Variants in OPCML observed in about 807,000 individuals in gnomAD.
OPCML encodes the protein opioid-binding protein/cell adhesion molecule.
A neutral mutation model predicts 37.8 loss-of-function variants in OPCML; 13 were observed. The ratio of observed to expected loss-of-function variants is 0.34; its 90% confidence interval spans 0.22 to 0.55. OPCML has a LOEUF of 0.55. Among genes scored for constraint, OPCML ranks in the 20% least tolerant of loss-of-function variants. OPCML has a pLI of 0.91. For missense variants in OPCML, 341 were observed against 435.6 expected (o/e 0.78, Z 1.93); for synonymous variants, 176 against 168.8 (o/e 1.04, Z -0.33).
At chr11:133,189,298 AC>A (rs989385759) in intron 1 of OPCML, among the ~76,000 whole-genome samples, 30 of 152,334 alleles carry the variant, frequency 2.0e-4, no homozygotes, top group African/African-American at 7.2e-4. Flanking sequence ...TGTGTAATTG[AC>A]CTTAAAGGCT....
intron 3 of OPCML, among the ~76,000 whole-genome samples, chr11:132,569,373 C>T (rs866889710): frequency 2.9e-4 from 44 of 152,322 alleles, no homozygotes; most frequent in African/African-American, 1.0e-3. Context: ...ACTTTCATCT[C>T]AGACTTGTAG....
intron 2 of OPCML, among the ~76,000 whole-genome samples, chr11:132,705,245 T>C (rs1943985379): frequency 6.6e-6 from 1 of 151,738 alleles, no homozygotes; most frequent in Admixed American, 6.6e-5. Context: ...CCCATCCCCT[T>C]GGTGCTGTTC....
At chr11:132,708,802 C>A (rs1452091654) in intron 2 of OPCML, among the ~76,000 whole-genome samples, 3 of 152,122 alleles carry the variant, frequency 2.0e-5, no homozygotes, top group Admixed American at 6.6e-5. Flanking sequence ...ACAATAAAAT[C>A]TTTTCTTTAC....
At chr11:133,482,565 G>A (rs1205092539) in intron 1 of OPCML, among the ~76,000 whole-genome samples, 2 of 152,092 alleles carry the variant, frequency 1.3e-5, no homozygotes, top group Admixed American at 1.3e-4. Flanking sequence ...GGAGGAGGCT[G>A]CTGAATGCTC....
chr11:133,399,747 A>G (rs985848660), intron 1 of OPCML, among the ~76,000 whole-genome samples: 2 of 152,082 alleles, frequency 1.3e-5, no homozygotes, highest in Non-Finnish European at 2.9e-5. Context: ...GCATTCCCAG[A>G]CACAGCCTCA....
In OPCML at chr11:133,511,047, G is replaced by T. The variant is rs74915554; in HGVS notation, c.61+21217C>A. Among the ~76,000 whole-genome samples, 683 of 152,256 alleles carry T rather than the reference G, an allele frequency of 4.5e-3. 4 individuals carry two copies. Among genetic ancestry groups the T allele is most frequent in the African/African-American group, 0.016 (652 of 41,554 alleles). On this transcript the variant is annotated intron_variant, in intron 1 of 7. Transcript: ENST00000524381. ...TGTTCCACCAATAGAACTCCATTGCGATTGGTGTCAACTTTATCCTTCCAA... is the reference window on the plus strand; with the variant it reads ...TGTTCCACCAATAGAACTCCATTGCTATTGGTGTCAACTTTATCCTTCCAA...
intron 1 of OPCML, among the ~76,000 whole-genome samples, chr11:132,999,016 G>A (rs944328565): frequency 1.3e-5 from 2 of 152,104 alleles, no homozygotes; most frequent in East Asian, 1.9e-4. Flanking sequence ...CCCTCTTTCC[G>A]CAGATGAGGA....
Position 132,956,967 on chromosome 11 carries a change from C to T in OPCML, c.62-13957G>A, listed in dbSNP as rs144772505. On this transcript the variant is annotated intron_variant, in intron 1 of 7. Transcript: ENST00000524381. ...GCAACATAGCAAGATCCTATCTCTA[C>T]GAAAATTTTAAAAAACAGGCAGATG... 4.3e-3 allele frequency among the ~76,000 whole-genome samples: 656 copies of T among 152,248 alleles called. 2 individuals are homozygous for T. Among genetic ancestry groups the T allele is most frequent in the Non-Finnish European group, 4.8e-3 (326 of 68,000 alleles).
chr11:132,807,635 T>G lies in OPCML; in HGVS notation c.146+135291A>C, dbSNP rs1939093362. 3.9e-5 allele frequency among the ~76,000 whole-genome samples: 6 copies of G among 152,176 alleles called. No homozygotes were observed. The South Asian group carries it at 1.2e-3, about 32-fold the overall frequency. On this transcript the variant is annotated intron_variant, in intron 2 of 7. Transcript: ENST00000524381. ...CCTCCATCTCTGAATAGCCTTCCAGTGACCATATCTTTGTGTAGCCAGCCA... is the reference window on the plus strand; with the variant it reads ...CCTCCATCTCTGAATAGCCTTCCAGGGACCATATCTTTGTGTAGCCAGCCA...
rs907753040 is a variant in OPCML at position 132,469,425 on chromosome 11, GTGTATGTGTGTGTGAA to G, written c.506-32082_506-32067del. Among the ~76,000 whole-genome samples, 72 of 151,176 alleles carry G rather than the reference GTGTATGTGTGTGTGAA, an allele frequency of 4.8e-4. No homozygotes were observed. The East Asian group carries it at 0.012, about 26-fold the overall frequency. On this transcript the variant is annotated intron_variant, in intron 4 of 7. Transcript: ENST00000524381. ...TGTGTGTGGGGGTGCGTGTGTATGT[GTGTATGTGTGTGTGAA>G]TGTATGTGTGTGTGTGGTGCCTGTG...
intron 1 of OPCML, among the ~76,000 whole-genome samples, chr11:133,328,581 G>T (rs1255767711): frequency 2.0e-5 from 3 of 152,170 alleles, no homozygotes; most frequent in African/African-American, 4.8e-5. Context: ...GTTACCAAGT[G>T]CTGGGCACTT....
At chr11:133,104,864 G>C (rs200717898) in intron 1 of OPCML, among the ~76,000 whole-genome samples, 2 of 143,878 alleles carry the variant, frequency 1.4e-5, no homozygotes, top group Admixed American at 1.4e-4. Flanking sequence ...AAAATATTAA[G>C]GCCCAATTCA....
chr11:133,314,079 C>A (rs1351589048), intron 1 of OPCML, among the ~76,000 whole-genome samples: 1 of 147,240 alleles, frequency 6.8e-6, no homozygotes, highest in Non-Finnish European at 1.5e-5. Flanking sequence ...ACTAAAAATA[C>A]AAAAAATTAG....
intron 2 of OPCML, among the ~76,000 whole-genome samples, chr11:132,921,837 G>A (rs747380873): frequency 2.0e-5 from 3 of 152,050 alleles, no homozygotes; most frequent in Non-Finnish European, 2.9e-5. Context: ...GAACTGCCTC[G>A]CTCTAGCACC....
At chr11:132,598,457 C>A (rs1375269298) in intron 3 of OPCML, among the ~76,000 whole-genome samples, 1 of 152,110 alleles carries the variant, frequency 6.6e-6, no homozygotes, top group Admixed American at 6.5e-5. Context: ...CAACGCACGC[C>A]ATTTCTATAA....
chr11:132,517,368 T>G (rs1442609903), intron 4 of OPCML, among the ~76,000 whole-genome samples: 2 of 152,144 alleles, frequency 1.3e-5, no homozygotes, highest in African/African-American at 4.8e-5. Context: ...AAATGTACTA[T>G]CAAGGGTGCT....
At chr11:133,201,269 C>T (rs113925374) in intron 1 of OPCML, among the ~76,000 whole-genome samples, 2,108 of 150,568 alleles carry the variant, frequency 0.014, 16 homozygotes, top group Non-Finnish European at 0.02. Context: ...CACACGTACT[C>T]CTGGAAATTA....
At chr11:132,721,314 C>T (rs940934418) in intron 2 of OPCML, among the ~76,000 whole-genome samples, 5 of 152,130 alleles carry the variant, frequency 3.3e-5, no homozygotes, top group Non-Finnish European at 7.3e-5. Flanking sequence ...GGCCATGCTT[C>T]AGATAAGTCT....
chr11:133,494,761 A>G (rs2120478039), intron 1 of OPCML, among the ~76,000 whole-genome samples: 1 of 140,138 alleles, frequency 7.1e-6, no homozygotes, highest in African/African-American at 3.0e-5. Flanking sequence ...TGGGAGATAT[A>G]CCTAATGCTA....
Sources: allele counts gnomAD v4.1 joint callset (sites outside exome capture counted in the v4.1 genomes callset), GRCh38; gene constraint gnomAD v4.1.1; transcripts MANE v1.5; gene names NCBI Gene and HGNC (gene_info 2026-07-23, HGNC 2026-07-21).